Variants in ERG observed in about 807,000 individuals in gnomAD.
ERG encodes the protein ETS transcription factor ERG.
Under a neutral mutation model 55.3 loss-of-function variants are expected in ERG, and 9 were observed. The observed-to-expected ratio is 0.16, with a 90% confidence interval of 0.10 to 0.28. ERG has a LOEUF of 0.28. Among genes scored for constraint, ERG ranks in the 10% least tolerant of loss-of-function variants. The probability of loss-of-function intolerance (pLI) is 1.00; values close to 1 mark genes in which losing one functional copy is unlikely to be tolerated. For missense variants in ERG, 434 were observed against 631.6 expected, an observed-to-expected ratio of 0.69 and a Z score of 3.35; for synonymous variants, 223 against 237.3, an observed-to-expected ratio of 0.94 and a Z score of 0.55.
chr21:38,511,194 A>G (rs2146724515), intron 2 of ERG, among the ~76,000 whole-genome samples: 1 of 152,338 alleles, frequency 6.6e-6, no homozygotes, highest in African/African-American at 2.4e-5. Flanking sequence ...ATGATTCACA[A>G]CCTCCCAAAT....
chr21:38,531,622 T>C (rs929547053), intron 2 of ERG, among the ~76,000 whole-genome samples: 2 of 152,256 alleles, frequency 1.3e-5, no homozygotes, highest in Admixed American at 6.5e-5. Context: ...TGCTATTTTA[T>C]ATGTAGAACA....
At chr21:38,432,599 T>C (rs1260047652) in intron 2 of ERG, among the ~76,000 whole-genome samples, 1 of 152,226 alleles carries the variant, frequency 6.6e-6, no homozygotes, top group Non-Finnish European at 1.5e-5. Flanking sequence ...AACATATGGA[T>C]AAAGCATTTA....
At chr21:38,447,000 G>C (rs2836409) in intron 1 of ERG, among the ~76,000 whole-genome samples, 68,124 of 151,710 alleles carry the variant, frequency 0.45, 16,237 homozygotes, top group East Asian at 0.61. Context: ...ACATAAATAA[G>C]GGTGCTTCCC....
intron 9 of ERG, among the ~76,000 whole-genome samples, chr21:38,384,468 C>T (rs1029233403): frequency 6.6e-6 from 1 of 152,336 alleles, no homozygotes; most frequent in South Asian, 2.1e-4. Flanking sequence ...AGATGGAATG[C>T]AGCGAATTCA....
exon 2 of ERG, chr21:38,575,728 A>G: frequency 6.2e-7 from 1 of 1,613,942 alleles, no homozygotes; most frequent in Non-Finnish European, 8.5e-7. Flanking sequence ...CCCATCTACC[A>G]GCTGTTCAGA....
intron 1 of ERG, among the ~76,000 whole-genome samples, chr21:38,461,573 T>G (rs1241868268): frequency 6.6e-6 from 1 of 152,146 alleles, no homozygotes; most frequent in South Asian, 2.1e-4. Context: ...TCTCCGGAGC[T>G]CTGTAGGTCA....
chr21:38,457,864 G>A (rs1026098446), intron 1 of ERG, among the ~76,000 whole-genome samples: 3 of 152,214 alleles, frequency 2.0e-5, no homozygotes, highest in Admixed American at 2.0e-4. Context: ...TTATGGGAGC[G>A]TCATGGGGCT....
chr21:38,468,858 G>A (rs1025831274), intron 1 of ERG, among the ~76,000 whole-genome samples: 3 of 151,666 alleles, frequency 2.0e-5, no homozygotes, highest in African/African-American at 4.8e-5. Flanking sequence ...GGTGGTGGGC[G>A]CCTGTAGTCC....
intron 2 of ERG, among the ~76,000 whole-genome samples, chr21:38,550,631 C>T (rs1454464837): frequency 2.6e-5 from 4 of 152,182 alleles, no homozygotes; most frequent in Non-Finnish European, 5.9e-5. Flanking sequence ...AGACTTCCAG[C>T]CTTTAGAACT....
intron 6 of ERG, 62 bp downstream of exon 6, chr21:38,400,512 G>T (rs766707988): frequency 7.9e-5 from 104 of 1,321,428 alleles, no homozygotes; most frequent in Non-Finnish European, 1.1e-4. Flanking sequence ...TTAGGGCACG[G>T]ATCTCAGCAG....
At chr21:38,384,649 G>A (rs771301734) in intron 9 of ERG, among the ~76,000 whole-genome samples, 18 of 152,036 alleles carry the variant, frequency 1.2e-4, no homozygotes, top group Non-Finnish European at 5.9e-5. Context: ...ATTTATATTG[G>A]CTAGGTCAAG....
chr21:38,513,356 C>A (rs923205237), intron 2 of ERG, among the ~76,000 whole-genome samples: 3 of 151,900 alleles, frequency 2.0e-5, no homozygotes, highest in Non-Finnish European at 4.4e-5. Flanking sequence ...AGGGAATATT[C>A]AGATTGTAGG....
chr21:38,551,158 GTTTT>G (rs60943753), intron 2 of ERG, among the ~76,000 whole-genome samples: 1 of 149,214 alleles, frequency 6.7e-6, no homozygotes, highest in Non-Finnish European at 1.5e-5. Context: ...AGTCTCTGAG[GTTTT>G]TTTTTTATTT....
chr21:38,438,461 A>G (rs1217294862), intron 2 of ERG, among the ~76,000 whole-genome samples: 2 of 152,222 alleles, frequency 1.3e-5, no homozygotes, highest in African/African-American at 4.8e-5. Flanking sequence ...CAGTATGTCT[A>G]AGGCCCTGAT....
At chr21:38,458,079 C>A (rs901768082) in intron 1 of ERG, among the ~76,000 whole-genome samples, 3 of 152,194 alleles carry the variant, frequency 2.0e-5, no homozygotes, top group Admixed American at 1.3e-4. Context: ...AAGCCTTAAG[C>A]TCCTGAACTG....
At position 38,574,274 on chromosome 21, in the gene ERG, C is replaced by T. The variant is rs551557549; in HGVS notation, c.-41+1388G>A. Among the ~76,000 whole-genome samples the T allele has an allele frequency of 2.0e-5, 3 of 152,308 alleles. No individual in the cohort carries two copies. The South Asian group carries it at 6.2e-4, about 32-fold the overall frequency. ...CAGACACACTGATCAAATATGTTCC[C>T]AGCACTTCCGAAGAAACCTTATCAC... On this transcript the variant is annotated intron_variant, in intron 2 of 8. Transcript: ENST00000398897.
intron 2 of ERG, among the ~76,000 whole-genome samples, chr21:38,560,581 C>A (rs546829682): frequency 6.6e-6 from 1 of 152,256 alleles, no homozygotes; most frequent in East Asian, 1.9e-4. Context: ...AGGCACAGCC[C>A]CCTTCCCCCT....
chr21:38,548,893 G>A (rs954066247), intron 2 of ERG, among the ~76,000 whole-genome samples: 3 of 150,810 alleles, frequency 2.0e-5, no homozygotes, highest in African/African-American at 4.9e-5. Flanking sequence ...GGCAGATCAC[G>A]AGGTCGGGAG....
rs185067973 is a variant in ERG, at chr21:38,504,481, C to T, written c.-41+71181G>A. On this transcript the variant is annotated intron_variant, in intron 2 of 8. Transcript: ENST00000398897. ...AAGAGGAGAGTAATTATTTTGTCAC[C>T]ATTATTTAGCTTAAAATAACTTTTA... Among the ~76,000 whole-genome samples, 380 of 152,242 alleles carry T rather than the reference C, an allele frequency of 2.5e-3. 1 individual carries two copies. The highest frequency in any genetic ancestry group is 8.8e-3 in the African/African-American group (365 of 41,532).
Sources: gnomAD v4.1 joint callset for allele counts (sites outside exome capture counted in the v4.1 genomes callset) on GRCh38, gnomAD v4.1.1 for gene constraint, MANE v1.5 for transcripts, NCBI Gene and HGNC (gene_info 2026-07-23, HGNC 2026-07-21) for gene names.